Variants in EDA observed in about 807,000 individuals in gnomAD.
EDA encodes ectodysplasin A.
EDA carries 2 observed loss-of-function variants against 23.6 expected under a neutral mutation model. The observed-to-expected ratio is 0.08, with a 90% CI of 0.03 to 0.27. The LOEUF is 0.27. Ranked by LOEUF, EDA falls within the 10% of genes least tolerant of loss-of-function variation. The probability of loss-of-function intolerance (pLI) is 1.00; values close to 1 mark genes in which losing one functional copy is unlikely to be tolerated. For missense variants in EDA, 229 were observed against 324.2 expected (o/e 0.71, Z 2.26); for synonymous variants, 131 against 132.0 (o/e 0.99, Z 0.05).
chrX:70,018,218 AAAACATTCC>A (rs1319133263), intron 2 of EDA, among the ~76,000 whole-genome samples: 2 of 112,406 alleles, frequency 1.8e-5, no homozygotes, highest in Non-Finnish European at 3.8e-5. Flanking sequence ...ACAAATGGAA[AAAACATTCC>A]ATGTTTATGC....
chrX:69,930,351 T>C (rs112564913), intron 1 of EDA, among the ~76,000 whole-genome samples: 2,331 of 111,524 alleles, frequency 0.021, 52 homozygotes, highest in African/African-American at 0.073. Context: ...ATATCAGTTA[T>C]ACCCTTACTT....
intron 1 of EDA, among the ~76,000 whole-genome samples, chrX:69,666,078 G>T (rs745570959): frequency 6.5e-4 from 72 of 111,548 alleles, no homozygotes; most frequent in Non-Finnish European, 1.1e-3. Context: ...TCATAAATGG[G>T]ATTGTTTATT....
chrX:69,693,273 C>T (rs1184755913), intron 1 of EDA: 2 of 111,256 alleles, frequency 1.8e-5, no homozygotes, highest in Admixed American at 9.6e-5. Context: ...GGCAATCACT[C>T]CTCTGCTTTC....
intron 1 of EDA, among the ~76,000 whole-genome samples, chrX:69,956,571 T>C (rs1340354356): frequency 1.8e-5 from 2 of 110,667 alleles, no homozygotes; most frequent in Non-Finnish European, 3.8e-5. Flanking sequence ...TTCGAACTCC[T>C]GACCTCAGGT....
intron 1 of EDA, among the ~76,000 whole-genome samples, chrX:69,720,933 G>A (rs2012555305): frequency 9.0e-6 from 1 of 111,425 alleles, no homozygotes; most frequent in African/African-American, 3.3e-5. Context: ...TTTTTTTATT[G>A]TATCATAGAT....
chrX:69,924,627 A>T (rs762846074), intron 1 of EDA, among the ~76,000 whole-genome samples: 7 of 111,724 alleles, frequency 6.3e-5, no homozygotes, highest in African/African-American at 2.3e-4. Context: ...TCTTGGCTAT[A>T]CAGGGTTGTC....
At chrX:69,724,493 G>T (rs748023864) in intron 1 of EDA, among the ~76,000 whole-genome samples, 1 of 111,196 alleles carries the variant, frequency 9.0e-6, no homozygotes, top group Non-Finnish European at 1.9e-5. Context: ...CCTCTCCTTT[G>T]TCTGCCAAAC....
chrX:69,780,856 T>C (rs998543604), intron 1 of EDA, among the ~76,000 whole-genome samples: 1 of 111,305 alleles, frequency 9.0e-6, no homozygotes, highest in Non-Finnish European at 1.9e-5. Context: ...ATTAAACCTC[T>C]TTTCTTGATA....
intron 1 of EDA, among the ~76,000 whole-genome samples, chrX:69,703,507 G>A (rs901101315): frequency 8.9e-6 from 1 of 112,376 alleles, no homozygotes; most frequent in African/African-American, 3.2e-5. Flanking sequence ...AGGTAGTGTG[G>A]AGCAATACGC....
chrX:69,876,510 A>C (rs750964907), intron 1 of EDA, among the ~76,000 whole-genome samples: 2 of 112,185 alleles, frequency 1.8e-5, no homozygotes, highest in East Asian at 5.6e-4. Context: ...GGGCAAATAC[A>C]TACAGCCATG....
chrX:69,786,126 G>A (rs1277356663), intron 1 of EDA, among the ~76,000 whole-genome samples: 2 of 109,822 alleles, frequency 1.8e-5, no homozygotes, highest in African/African-American at 6.6e-5. Context: ...ATTTCTGTGG[G>A]ATCAGTGGTG....
intron 2 of EDA, among the ~76,000 whole-genome samples, chrX:69,988,870 T>G (rs1190388400): frequency 9.0e-6 from 1 of 110,750 alleles, no homozygotes; most frequent in Admixed American, 9.6e-5. Context: ...AGAAAAAAAA[T>G]TGTTTAATTT....
rs2020286522 is a variant in EDA, at chrX:70,037,855, T to C, written c.*2246T>C. 1.8e-5 allele frequency: 2 copies of C among 111,962 alleles called. No homozygotes were observed. The highest frequency in any genetic ancestry group is 7.5e-4 in the South Asian group (2 of 2,657). The allele number at this position is 111,962 out of a possible 1,213,427, so 9.2% of individuals were successfully genotyped here. A position where few individuals can be genotyped will look rare whatever the true frequency, so the allele number is the denominator to read the frequency against. On this transcript the variant is annotated 3_prime_UTR_variant, in exon 8 of 8. Transcript: ENST00000374552. ...TAGAGCTCTTGTGTTCAGAAGAATC[T>C]TCCTGGCACAATGTTGGAGCAGCAG...
intron 2 of EDA, among the ~76,000 whole-genome samples, chrX:69,961,779 C>T (rs771460327): frequency 8.9e-6 from 1 of 112,129 alleles, no homozygotes; most frequent in Non-Finnish European, 1.9e-5. Context: ...TTTATTCGTA[C>T]TAATTATGTG....
intron 1 of EDA, among the ~76,000 whole-genome samples, chrX:69,828,398 C>G: frequency 8.9e-6 from 1 of 112,504 alleles, no homozygotes; most frequent in East Asian, 2.8e-4. Context: ...GATATAATCT[C>G]CTGATGCACC....
intron 1 of EDA, among the ~76,000 whole-genome samples, chrX:69,913,620 G>A: frequency 8.9e-6 from 1 of 112,218 alleles, no homozygotes; most frequent in East Asian, 2.8e-4. Context: ...CTTATCATTT[G>A]TGTGTTCATT....
At chrX:69,839,305 C>T (rs2016846508) in intron 1 of EDA, among the ~76,000 whole-genome samples, 1 of 111,640 alleles carries the variant, frequency 9.0e-6, no homozygotes, top group Non-Finnish European at 1.9e-5. Flanking sequence ...TCTTTTTAAC[C>T]TACACCCACA....
chrX:70,020,296 G>T (rs915951245), intron 2 of EDA, among the ~76,000 whole-genome samples: 1 of 111,868 alleles, frequency 8.9e-6, no homozygotes, highest in East Asian at 2.8e-4. Flanking sequence ...AGTGGCTCAC[G>T]CCTGTAATCC....
At chrX:69,687,084 C>T (rs1934570534) in intron 1 of EDA, among the ~76,000 whole-genome samples, 1 of 111,643 alleles carries the variant, frequency 9.0e-6, no homozygotes, top group South Asian at 3.7e-4. Context: ...CTTGTCTACA[C>T]TTGTTATTGT....
Sources: allele counts gnomAD v4.1 joint callset (sites outside exome capture counted in the v4.1 genomes callset), GRCh38; gene constraint gnomAD v4.1.1; transcripts MANE v1.5; gene names NCBI Gene and HGNC (gene_info 2026-07-23, HGNC 2026-07-21).